Variants in NARS2 observed in about 807,000 individuals in gnomAD.
NARS2 encodes the protein asparaginyl-tRNA synthetase 2, mitochondrial, also known as asparaginyl-tRNA synthetase.
In NARS2, 60 loss-of-function variants were observed where a neutral mutation model predicts 62.9. That is an observed-to-expected ratio of 0.95 (90% CI 0.77 to 1.18). NARS2 has a LOEUF of 1.18. Ranked by LOEUF, NARS2 falls within the 50% of genes most tolerant of loss-of-function variation. The pLI, the probability that NARS2 is intolerant of heterozygous loss-of-function variation, is 0.00. For synonymous variants in NARS2, 196 were observed against 200.0 expected, an observed-to-expected ratio of 0.98 and a Z score of 0.17; for missense variants, 619 against 576.4, an observed-to-expected ratio of 1.07 and a Z score of -0.76.
chr11:78,495,069 G>A (rs1391577385), intron 6 of NARS2, among the ~76,000 whole-genome samples: 1 of 152,036 alleles, frequency 6.6e-6, no homozygotes, highest in Non-Finnish European at 1.5e-5. Flanking sequence ...CTTTTTAACT[G>A]GTGTCTGGCA....
intron 6 of NARS2, among the ~76,000 whole-genome samples, chr11:78,493,537 A>G (rs1164997908): frequency 6.6e-6 from 1 of 152,134 alleles, no homozygotes; most frequent in Admixed American, 6.6e-5. Flanking sequence ...CTGTGCCTAT[A>G]GGTCCAGCTA....
At chr11:78,458,614 T>C (rs1163625847) in intron 11 of NARS2, among the ~76,000 whole-genome samples, 3 of 152,226 alleles carry the variant, frequency 2.0e-5, no homozygotes, top group African/African-American at 7.2e-5. Flanking sequence ...TCACAGCAGA[T>C]CAACTCACTA....
intron 5 of NARS2, among the ~76,000 whole-genome samples, chr11:78,547,427 A>C (rs970922788): frequency 6.6e-6 from 1 of 152,258 alleles, no homozygotes; most frequent in African/African-American, 2.4e-5. Context: ...ATTCTCCATC[A>C]GTAAAAGAAT....
intron 5 of NARS2, among the ~76,000 whole-genome samples, chr11:78,557,978 T>C (rs1856424536): frequency 6.6e-6 from 1 of 152,002 alleles, no homozygotes; most frequent in South Asian, 2.1e-4. Context: ...AACAATTCCT[T>C]TTTATTTGTA....
At chr11:78,514,935 T>C (rs1860847829) in intron 6 of NARS2, among the ~76,000 whole-genome samples, 1 of 152,202 alleles carries the variant, frequency 6.6e-6, no homozygotes, top group Admixed American at 6.5e-5. Context: ...CAGATATTTC[T>C]ATTCACTTCT....
chr11:78,537,943 T>C (rs763442053), intron 5 of NARS2, among the ~76,000 whole-genome samples: 17 of 152,246 alleles, frequency 1.1e-4, no homozygotes, highest in African/African-American at 3.1e-4. Context: ...CAGTCGCCTA[T>C]AGTCAACTGC....
intron 9 of NARS2, among the ~76,000 whole-genome samples, chr11:78,470,357 T>A (rs1858816339): frequency 6.6e-6 from 1 of 152,182 alleles, no homozygotes; most frequent in Non-Finnish European, 1.5e-5. Context: ...TCCCTTCCAT[T>A]GCGGTTCCAG....
In NARS2 at chr11:78,471,699, C is replaced by A. The variant is rs868414918; in HGVS notation, c.960-2386G>T. Among the ~76,000 whole-genome samples, 291 of 129,486 alleles carry A rather than the reference C, an allele frequency of 2.2e-3. 1 individual carries two copies. The highest frequency in any genetic ancestry group is 7.7e-3 in the African/African-American group (264 of 34,330). The allele number at this position is 129,486 out of a possible 152,430, so 84.9% of individuals were successfully genotyped here. A position where few individuals can be genotyped will look rare whatever the true frequency, so the allele number is the denominator to read the frequency against. On this transcript the variant is annotated intron_variant, in intron 9 of 13. Coordinates refer to ENST00000281038, the MANE Select transcript of NARS2 (RefSeq NM_024678.6). The stretch of plus-strand genomic sequence containing the variant: ...TCCCTCCCCCCTCCCCCCACCCCAC[C>A]ACAGTCCCCAGAGTGTGATGTTCCC...
chr11:78,473,420 G>C (rs528894375), intron 9 of NARS2, among the ~76,000 whole-genome samples: 1 of 152,274 alleles, frequency 6.6e-6, no homozygotes, highest in South Asian at 2.1e-4. Flanking sequence ...GCTCATGGTA[G>C]GTATTTCCCT....
At chr11:78,453,734 A>G (rs1321516801) in intron 11 of NARS2, among the ~76,000 whole-genome samples, 2 of 152,348 alleles carry the variant, frequency 1.3e-5, no homozygotes, top group Non-Finnish European at 1.5e-5. Flanking sequence ...TTTTGCTGTA[A>G]CTGCTGAAAT....
chr11:78,529,076 GT>G, intron 5 of NARS2, 140 bp from the exon 6 acceptor site: 1 of 607,704 alleles, frequency 1.6e-6, no homozygotes, highest in Non-Finnish European at 2.9e-6. Flanking sequence ...AATAAAGGTA[GT>G]TACACATCTA....
chr11:78,557,831 T>C (rs1014583697), intron 5 of NARS2, among the ~76,000 whole-genome samples: 1 of 146,292 alleles, frequency 6.8e-6, no homozygotes, highest in Non-Finnish European at 1.5e-5. Flanking sequence ...TATATATATA[T>C]CTCTCTTATA....
intron 11 of NARS2, among the ~76,000 whole-genome samples, chr11:78,460,216 GAGCAAAGGGAGGCCACT>G (rs1858340942): frequency 6.6e-6 from 1 of 151,788 alleles, no homozygotes; most frequent in East Asian, 1.9e-4. Context: ...TTTATCCTAA[GAGCAAAGGGAGGCCACT>G]GAATGGCTTT....
At chr11:78,566,327 A>G (rs1052686355) in intron 3 of NARS2, 55 bp from the exon 4 acceptor site, 2 of 1,438,352 alleles carry the variant, frequency 1.4e-6, no homozygotes, top group African/African-American at 2.9e-5. Context: ...TGTTTAATAA[A>G]ATCAGTTTCC....
At chr11:78,559,825 T>TA (rs1856497034) in intron 4 of NARS2, among the ~76,000 whole-genome samples, 1 of 152,196 alleles carries the variant, frequency 6.6e-6, no homozygotes, top group African/African-American at 2.4e-5. Flanking sequence ...GGAACACACT[T>TA]AGACATTAAC....
intron 11 of NARS2, among the ~76,000 whole-genome samples, chr11:78,449,225 TC>T (rs1453471224): frequency 7.2e-6 from 1 of 138,946 alleles, no homozygotes; most frequent in Non-Finnish European, 1.5e-5. Flanking sequence ...AAACTCCACC[TC>T]CCCGGTTCAT....
At chr11:78,508,240 T>C (rs1860578171) in intron 6 of NARS2, among the ~76,000 whole-genome samples, 1 of 152,136 alleles carries the variant, frequency 6.6e-6, no homozygotes, top group Non-Finnish European at 1.5e-5. Flanking sequence ...TTAAGTGACC[T>C]GTGGGATACC....
At position 78,443,722 on chromosome 11, in the gene NARS2, C is replaced by G; in HGVS notation, c.1201G>C (p.Glu401Gln). The G allele has an allele frequency of 6.2e-7, 1 of 1,613,724 alleles. No individual in the cohort carries two copies. The highest frequency in any genetic ancestry group is 2.2e-5 in the East Asian group (1 of 44,874). ...AVDLLVPGVGELFGGGLREER... is the reference protein window; with the variant it reads ...AVDLLVPGVGQLFGGGLREER... ...TCTCTGAGGCCTCCTCCAAAGAGTT[C>G]CCCAACTCCAGGAACCAGAAGATCA... The change falls in exon 12 of 14, where the codon GAA becomes CAA. Residue 401 changes from glutamate to glutamine, a missense_variant. Coordinates refer to ENST00000281038, the MANE Select transcript of NARS2 (RefSeq NM_024678.6).
At chr11:78,516,654 G>A (rs766649878) in intron 6 of NARS2, among the ~76,000 whole-genome samples, 4 of 152,132 alleles carry the variant, frequency 2.6e-5, no homozygotes, top group Non-Finnish European at 4.4e-5. Context: ...TTGAGCCCTG[G>A]ATCAGGCAAC....
Sources: allele counts gnomAD v4.1 joint callset (sites outside exome capture counted in the v4.1 genomes callset), GRCh38; gene constraint gnomAD v4.1.1; transcripts MANE v1.5; gene names NCBI Gene and HGNC (gene_info 2026-07-23, HGNC 2026-07-21).